Variants in SHISA2 observed in about 807,000 individuals in gnomAD.
SHISA2 encodes protein shisa-2 homolog.
In SHISA2, 16 loss-of-function variants were observed where a neutral mutation model predicts 23.8. The ratio of observed to expected loss-of-function variants is 0.67; its 90% CI spans 0.46 to 1.02. The LOEUF (loss-of-function observed/expected upper bound fraction) is 1.02. SHISA2 is among the 50% of genes least tolerant of loss of function. The probability of loss-of-function intolerance (pLI) is 0.00; values close to 1 mark genes in which losing one functional copy is unlikely to be tolerated. For missense variants in SHISA2, 459 were observed against 420.1 expected, an observed-to-expected ratio of 1.09 and a Z score of -0.81; for synonymous variants, 201 against 178.6, an observed-to-expected ratio of 1.13 and a Z score of -1.00.
intron 1 of SHISA2, among the ~76,000 whole-genome samples, chr13:26,047,710 G>A (rs1178561512): frequency 6.6e-6 from 1 of 152,204 alleles, no homozygotes; most frequent in East Asian, 1.9e-4. Context: ...GCAAAAGCCA[G>A]GGTCCTTGGG....
chr13:26,048,297 C>T (rs918362924), intron 1 of SHISA2, among the ~76,000 whole-genome samples: 1 of 152,038 alleles, frequency 6.6e-6, no homozygotes, highest in African/African-American at 2.4e-5. Flanking sequence ...ATTGAGATTC[C>T]ATCTCAAATA....
chr13:26,049,067 T>C (rs73476650), intron 1 of SHISA2, among the ~76,000 whole-genome samples: 3,964 of 152,154 alleles, frequency 0.026, 174 homozygotes, highest in African/African-American at 0.089. Context: ...AAATATGTTA[T>C]CAAAAAATAA....
In SHISA2 at chr13:26,049,863, A is replaced by AACACACACACACACACACACAC. The variant is rs57979033; in HGVS notation, c.334+757_334+778dup. Among the ~76,000 whole-genome samples, 195 of 136,036 alleles carry AACACACACACACACACACACAC rather than the reference A, an allele frequency of 1.4e-3. 7 individuals are homozygous for AACACACACACACACACACACAC. The highest frequency in any genetic ancestry group is 4.4e-3 in the South Asian group (18 of 4,130). The allele number at this position is 136,036 out of a possible 152,430, so 89.2% of individuals were successfully genotyped here. A position where few individuals can be genotyped will look rare whatever the true frequency, so the allele number is the denominator to read the frequency against. ...ACACCTCCCCTCCCCCGAAATAAAT[A>AACACACACACACACACACACAC]ACACACACACACACACACACACACA... On this transcript the variant is annotated intron_variant, in intron 1 of 1. Transcript: ENST00000319420.
chr13:26,050,887 C>G lies in SHISA2; in HGVS notation c.89G>C (p.Gly30Ala). 6.6e-7 allele frequency: 1 copy of G among 1,520,372 alleles called. No individual in the cohort carries two copies. The highest frequency in any genetic ancestry group is 8.8e-7 in the Non-Finnish European group (1 of 1,141,498). The allele number at this position is 1,520,372 out of a possible 1,614,324, so 94.2% of individuals were successfully genotyped here. A position where few individuals can be genotyped will look rare whatever the true frequency, so the allele number is the denominator to read the frequency against. Residue 30 changes from glycine to alanine, a missense_variant, in exon 1 of 2, where the codon GGG becomes GCG. Physicochemically the swap from Gly to Ala is moderately conservative, Grantham distance 60 (BLOSUM62 0). Transcript: ENST00000319420. ...QLLLAALLAA[G>A]ARASGEYCHG... ...GCAGTACTCGCCGCTGGCCCTCGCCCCCGCCGCCAGCAGCGCAGCCAGCAG... is the reference window on the plus strand; with the variant it reads ...GCAGTACTCGCCGCTGGCCCTCGCCGCCGCCGCCAGCAGCGCAGCCAGCAG...
At position 26,050,997 on chromosome 13, in the gene SHISA2, A is replaced by G. The variant is rs4769452; in HGVS notation, c.-22T>C. On this transcript the variant is annotated 5_prime_UTR_variant, in exon 1 of 2. Transcript: ENST00000319420. ...ACATGGCACCACCCTGGGCGCGGAC[A>G]GCGCGTCTCCAGAGAGCGCAGGACG... 318,952 of 1,479,686 alleles carry G rather than the reference A, an allele frequency of 0.22. 35,713 individuals carry two copies. The highest frequency in any genetic ancestry group is 0.34 in the South Asian group (25,683 of 76,606). The allele number at this position is 1,479,686 out of a possible 1,614,324, so 91.7% of individuals were successfully genotyped here.
chr13:26,048,954 C>T (rs1957283129), intron 1 of SHISA2, among the ~76,000 whole-genome samples: 1 of 152,200 alleles, frequency 6.6e-6, no homozygotes, highest in African/African-American at 2.4e-5. Context: ...GTCCTAATTA[C>T]ACTATCACTT....
rs1347102614 is a variant in SHISA2 at position 26,046,992 on chromosome 13, C to A, written c.409G>T (p.Ala137Ser). Residue 137 changes from alanine to serine, a missense_variant, in exon 2 of 2, where the codon GCC (alanine) becomes TCC (serine). Physicochemically the swap from Ala to Ser is moderately conservative, Grantham distance 99. Transcript: ENST00000319420. ...GGCCGGAGACATCTGCAGCAACAGGCTGCCACCAGGGACCCCAAGATGATA... is the reference window on the plus strand; with the variant it reads ...GGCCGGAGACATCTGCAGCAACAGGATGCCACCAGGGACCCCAAGATGATA... ...AFIILGSLVA[A>S]CCCRCLRPKQ... The A allele has an allele frequency of 3.8e-6, 6 of 1,596,522 alleles. No homozygotes were observed. Among genetic ancestry groups the A allele is most frequent in the Non-Finnish European group, 5.1e-6 (6 of 1,169,442 alleles).
chr13:26,046,747 G>T lies in SHISA2; in HGVS notation c.654C>A (p.Val218=). The change falls in exon 2 of 2, where the codon GTC becomes GTA. Residue 218 remains valine, a synonymous_variant. Transcript: ENST00000319420. ...GCACAGAGAAATTCGTGGGCATGTTGACATACACGTTGTTCATGGTCCCTT... is the reference window on the plus strand; with the variant it reads ...GCACAGAGAAATTCGTGGGCATGTTTACATACACGTTGTTCATGGTCCCTT... ...LPEGTMNNVY[V]NMPTNFSVLN... is the part of the protein sequence containing the mutation. 1 of 1,614,238 alleles carries T rather than the reference G, an allele frequency of 6.2e-7. No homozygotes were observed. The highest frequency in any genetic ancestry group is 1.1e-5 in the South Asian group (1 of 91,084).
intron 1 of SHISA2, among the ~76,000 whole-genome samples, chr13:26,048,876 C>T (rs1444030491): frequency 6.6e-6 from 1 of 152,260 alleles, no homozygotes; most frequent in African/African-American, 2.4e-5. Context: ...CTATATATAG[C>T]GCCCCTTTAG....
intron 1 of SHISA2, among the ~76,000 whole-genome samples, chr13:26,047,743 G>A (rs1329270519): frequency 6.6e-6 from 1 of 152,096 alleles, no homozygotes; most frequent in Non-Finnish European, 1.5e-5. Flanking sequence ...CAGGTGATGG[G>A]GTCTGTGTGG....
Position 26,045,502 on chromosome 13 carries a change from A to C in SHISA2, c.*1011T>G, listed in dbSNP as rs1593746980. ...TACTTCAAGATTAAAATCATCCCAG[A>C]GTTCTGAAATGTCTTCATTAGTTAA... On this transcript the variant is annotated 3_prime_UTR_variant, in exon 2 of 2. Transcript: ENST00000319420. The C allele has an allele frequency of 6.6e-6, 1 of 152,220 alleles. No individual in the cohort carries two copies. The highest frequency in any genetic ancestry group is 2.4e-5 in the African/African-American group (1 of 41,442). The allele number at this position is 152,220 out of a possible 1,614,324, so 9.4% of individuals were successfully genotyped here. A position where few individuals can be genotyped will look rare whatever the true frequency, so the allele number is the denominator to read the frequency against.
At chr13:26,047,869 G>T (rs897977312) in intron 1 of SHISA2, among the ~76,000 whole-genome samples, 1 of 152,176 alleles carries the variant, frequency 6.6e-6, no homozygotes, top group Non-Finnish European at 1.5e-5. Flanking sequence ...AAGCCAAGAA[G>T]GCAAGAGTAC....
Position 26,051,065 on chromosome 13 carries a change from ACT to A in SHISA2, c.-92_-91del. The A allele has an allele frequency of 8.3e-7, 1 of 1,204,704 alleles. No individual in the cohort carries two copies. Among genetic ancestry groups the A allele is most frequent in the Non-Finnish European group, 1.1e-6 (1 of 909,972 alleles). The allele number at this position is 1,204,704 out of a possible 1,614,324, so 74.6% of individuals were successfully genotyped here. ...GCCCCGGCGACCCCCGGGCCTCGTCACTGACTGTCCCGCGGCGCTTTCCGCGC... is the reference window on the plus strand; with the variant it reads ...GCCCCGGCGACCCCCGGGCCTCGTCAGACTGTCCCGCGGCGCTTTCCGCGC... On this transcript the variant is annotated 5_prime_UTR_variant, in exon 1 of 2. Transcript: ENST00000319420.
chr13:26,050,524 G>C (rs1013736284), intron 1 of SHISA2, 118 bp downstream of exon 1: 1 of 1,064,884 alleles, frequency 9.4e-7, no homozygotes, highest in African/African-American at 1.7e-5. Context: ...CCAGAAGGCA[G>C]ACTCCGCCTC....
chr13:26,048,439 T>C (rs1957280038), intron 1 of SHISA2, among the ~76,000 whole-genome samples: 2 of 151,928 alleles, frequency 1.3e-5, no homozygotes, highest in African/African-American at 2.4e-5. Context: ...GCAGAATGCC[T>C]CTGAGCCACT....
In SHISA2 at chr13:26,051,106, C is replaced by T. The variant is rs1957301024; in HGVS notation, c.-131G>A. On this transcript the variant is annotated 5_prime_UTR_variant, in exon 1 of 2. Transcript: ENST00000319420. ...CGCTTTCCGCGCGGGCCACTCCCCT[C>T]TGCCGCGACGCCCAGGAGGCGACGA... 2.5e-6 allele frequency: 2 copies of T among 806,386 alleles called. No homozygotes were observed. Among genetic ancestry groups the T allele is most frequent in the Admixed American group, 7.7e-5 (2 of 25,846 alleles). The allele number at this position is 806,386 out of a possible 1,614,324, so 50.0% of individuals were successfully genotyped here.
At position 26,045,993 on chromosome 13, in the gene SHISA2, T is replaced by C. The variant is rs1363488373; in HGVS notation, c.*520A>G. On this transcript the variant is annotated 3_prime_UTR_variant, in exon 2 of 2. Coordinates refer to ENST00000319420, the MANE Select transcript of SHISA2 (RefSeq NM_001007538.2). ...CACGTGGGAGGCTGAGGCAGGAGTGTTGCCTGAATCCAGGAGGCTGAAGTT... is the reference window on the plus strand; with the variant it reads ...CACGTGGGAGGCTGAGGCAGGAGTGCTGCCTGAATCCAGGAGGCTGAAGTT... The C allele has an allele frequency of 6.6e-6, 1 of 150,976 alleles. No homozygotes were observed. The highest frequency in any genetic ancestry group is 2.4e-5 in the African/African-American group (1 of 40,852). 9.4% of individuals were successfully genotyped at this position (150,976 alleles called of 1,614,324 possible).
At chr13:26,050,600 G>A (rs1957295289) in intron 1 of SHISA2, 42 bp downstream of exon 1, 1 of 1,374,846 alleles carries the variant, frequency 7.3e-7, no homozygotes, top group Non-Finnish European at 9.3e-7. Flanking sequence ...TCCAGGCAAC[G>A]CCAACCGTCC....
rs371916687 is a variant in SHISA2 at position 26,046,224 on chromosome 13, G to A, written c.*289C>T. The A allele has an allele frequency of 8.4e-5, 24 of 284,712 alleles. No homozygotes were observed. The highest frequency in any genetic ancestry group is 3.3e-4 in the Admixed American group (7 of 21,112). The allele number at this position is 284,712 out of a possible 1,614,324, so 17.6% of individuals were successfully genotyped here. ...ATTTATCAGTTTATAAAATTCTTTC[G>A]TCAACCATATCTCAAGGGCACTTCG... On this transcript the variant is annotated 3_prime_UTR_variant, in exon 2 of 2. Transcript: ENST00000319420.
Sources: gnomAD v4.1 joint callset for allele counts (sites outside exome capture counted in the v4.1 genomes callset) on GRCh38, gnomAD v4.1.1 for gene constraint, MANE v1.5 for transcripts, NCBI Gene and HGNC (gene_info 2026-07-23, HGNC 2026-07-21) for gene names.